The following PTK7 variants were observed in gnomAD, a reference collection of about 807,000 sequenced individuals.
PTK7 encodes the protein inactive tyrosine-protein kinase 7.
Under a neutral mutation model 116.6 loss-of-function variants are expected in PTK7, and 39 were observed. That is an observed-to-expected ratio of 0.33 (90% CI 0.26 to 0.44). The LOEUF is 0.44. Ranked by LOEUF, PTK7 falls within the 20% of genes least tolerant of loss-of-function variation. PTK7 has a pLI of 1.00. For synonymous variants in PTK7, 546 were observed against 563.6 expected (o/e 0.97, Z 0.44); for missense variants, 1,169 against 1,425.6 (o/e 0.82, Z 2.90).
At chr6:43,132,771 C>T in intron 7 of PTK7, 84 bp downstream of exon 7, 1 of 1,529,324 alleles carries the variant, frequency 6.5e-7, no homozygotes, top group Non-Finnish European at 8.9e-7. Flanking sequence ...CCCTGGTACT[C>T]ACCTGAGGTC....
At chr6:43,140,385 G>A (rs1198324725) in intron 10 of PTK7, among the ~76,000 whole-genome samples, 3 of 151,512 alleles carry the variant, frequency 2.0e-5, no homozygotes, top group Admixed American at 6.6e-5. Flanking sequence ...CCCAGGAGGC[G>A]GAGGTGGCAG....
intron 1 of PTK7, among the ~76,000 whole-genome samples, chr6:43,111,952 G>GATT (rs1768217102): frequency 6.6e-6 from 1 of 151,906 alleles, no homozygotes; most frequent in African/African-American, 2.4e-5. Flanking sequence ...AAAGTGCTGG[G>GATT]ATTACAGGCG....
chr6:43,085,306 C>T (rs1766592593), intron 1 of PTK7, among the ~76,000 whole-genome samples: 1 of 152,038 alleles, frequency 6.6e-6, no homozygotes, highest in South Asian at 2.1e-4. Context: ...TCTCTGTCGC[C>T]CAGGCTGGAG....
At chr6:43,103,666 AGTT>A (rs1767705254) in intron 1 of PTK7, among the ~76,000 whole-genome samples, 1 of 152,048 alleles carries the variant, frequency 6.6e-6, no homozygotes, top group South Asian at 2.1e-4. Context: ...AGTGGGGAGG[AGTT>A]GTTCTTCCTT....
At chr6:43,102,124 G>A (rs1439522164) in intron 1 of PTK7, among the ~76,000 whole-genome samples, 1 of 150,942 alleles carries the variant, frequency 6.6e-6, no homozygotes, top group South Asian at 2.1e-4. Context: ...GTTCCAGCCC[G>A]TTCTTGGGAG....
chr6:43,100,666 CAGATTGT>C (rs1245664698), intron 1 of PTK7, among the ~76,000 whole-genome samples: 2 of 151,894 alleles, frequency 1.3e-5, no homozygotes, highest in Non-Finnish European at 2.9e-5. Flanking sequence ...CAAAATACTG[CAGATTGT>C]GAACAGGGCA....
rs908825860 is a variant in PTK7 at position 43,124,715 on chromosome 6, G to A, written c.80-4262G>A. Among the ~76,000 whole-genome samples the A allele has an allele frequency of 1.1e-4, 16 of 152,260 alleles. No individual in the cohort carries two copies. In the Middle Eastern group the frequency reaches 0.01, roughly 97 times the overall value. ...AACAAACAACAGGCCAACGTCCCCC[G>A]CTGCAAGCTGGGCAGATGGCCAGGC... On this transcript the variant is annotated intron_variant, in intron 1 of 19. Coordinates refer to ENST00000230419, the MANE Select transcript of PTK7 (RefSeq NM_002821.5).
intron 1 of PTK7, among the ~76,000 whole-genome samples, chr6:43,091,603 A>T (rs552701814): frequency 3.0e-4 from 46 of 152,306 alleles, no homozygotes; most frequent in South Asian, 2.3e-3. Context: ...TGAAATTGGG[A>T]TGTAACTTAT....
chr6:43,127,024 G>A (rs966867791), intron 1 of PTK7, among the ~76,000 whole-genome samples: 3 of 152,338 alleles, frequency 2.0e-5, no homozygotes, highest in Admixed American at 1.3e-4. Flanking sequence ...ACCCAGCCTG[G>A]GGGATCCTGG....
At chr6:43,149,056 T>C (rs1305077915) in intron 17 of PTK7, among the ~76,000 whole-genome samples, 1 of 77,642 alleles carries the variant, frequency 1.3e-5, no homozygotes, top group Non-Finnish European at 2.4e-5. Context: ...CAAGACTTTG[T>C]CTCAAAAAAA....
intron 13 of PTK7, chr6:43,142,684 A>G: frequency 2.9e-6 from 1 of 346,806 alleles, no homozygotes; most frequent in African/African-American, 2.1e-5. Context: ...GTCAGGTAAA[A>G]GGCCCTGCAC....
At chr6:43,088,717 A>C (rs1472317297) in intron 1 of PTK7, among the ~76,000 whole-genome samples, 1 of 151,896 alleles carries the variant, frequency 6.6e-6, no homozygotes, top group Non-Finnish European at 1.5e-5. Context: ...AAATAAATAA[A>C]TAAATAAATA....
At chr6:43,090,894 T>TG (rs986952707) in intron 1 of PTK7, among the ~76,000 whole-genome samples, 1 of 152,066 alleles carries the variant, frequency 6.6e-6, no homozygotes, top group African/African-American at 2.4e-5. Context: ...TTTCTTTTTT[T>TG]TTGTTGTTGT....
chr6:43,085,451 A>G (rs987275361), intron 1 of PTK7, among the ~76,000 whole-genome samples: 3 of 151,430 alleles, frequency 2.0e-5, no homozygotes, highest in Non-Finnish European at 2.9e-5. Flanking sequence ...GTTTCACCAT[A>G]TTGGTCAGGC....
intron 1 of PTK7, among the ~76,000 whole-genome samples, chr6:43,095,630 C>T (rs888396491): frequency 2.6e-5 from 4 of 152,162 alleles, no homozygotes; most frequent in Non-Finnish European, 4.4e-5. Context: ...TTCTCCGCTT[C>T]GGTTGGCTTC....
rs1770678041 is a variant in PTK7, at chr6:43,145,495, G to A, written c.2640+63G>A. 1 of 1,361,706 alleles carries A rather than the reference G, an allele frequency of 7.3e-7. No homozygotes were observed. The highest frequency in any genetic ancestry group is 2.3e-5 in the Admixed American group (1 of 42,578). The allele number at this position is 1,361,706 out of a possible 1,614,324, so 84.4% of individuals were successfully genotyped here. ...GGAGGGCAGTGTCCTACAAAGGTGG[G>A]AGTCAGTGGTTGGAGCACCGTGAAA... On this transcript the variant is annotated intron_variant, in intron 16 of 19. Transcript: ENST00000230419. The surrounding 1 kb of genome is among the most constrained non-coding windows in gnomAD (Gnocchi z 4.8).
chr6:43,118,306 G>A (rs1207715841), intron 1 of PTK7, among the ~76,000 whole-genome samples: 1 of 152,004 alleles, frequency 6.6e-6, no homozygotes, highest in Admixed American at 6.6e-5. Context: ...GGAGGCCGAG[G>A]TGGGTGGATC....
intron 1 of PTK7, among the ~76,000 whole-genome samples, chr6:43,086,201 T>C (rs1192101028): frequency 6.6e-6 from 1 of 152,074 alleles, no homozygotes; most frequent in Admixed American, 6.5e-5. Context: ...AGGCAGACTT[T>C]TATGATACCC....
intron 1 of PTK7, among the ~76,000 whole-genome samples, chr6:43,104,959 C>T (rs1019743102): frequency 6.6e-6 from 1 of 151,832 alleles, no homozygotes; most frequent in Non-Finnish European, 1.5e-5. Flanking sequence ...ATTACAGGTG[C>T]CCGCCACCAT....
Sources: gnomAD v4.1 joint callset for allele counts (sites outside exome capture counted in the v4.1 genomes callset) on GRCh38, gnomAD v4.1.1 for gene constraint, Gnocchi (gnomAD v3.1) non-coding constraint, MANE v1.5 for transcripts, NCBI Gene and HGNC (gene_info 2026-07-23, HGNC 2026-07-21) for gene names.